KAZN: variants seen among roughly 807,000 people sequenced by gnomAD.
KAZN encodes kazrin.
In KAZN, 40 loss-of-function variants were observed where a neutral mutation model predicts 87.4. The ratio of observed to expected loss-of-function variants is 0.46; its 90% CI spans 0.36 to 0.60. The LOEUF is 0.60. Ranked by LOEUF, KAZN falls within the 20% of genes least tolerant of loss-of-function variation. The probability of loss-of-function intolerance (pLI) is 0.00; values close to 1 mark genes in which losing one functional copy is unlikely to be tolerated. For synonymous variants in KAZN, 466 were observed against 458.3 expected, an observed-to-expected ratio of 1.02 and a Z score of -0.22; for missense variants, 898 against 1,073.9, an observed-to-expected ratio of 0.84 and a Z score of 2.29.
intron 8 of KAZN, among the ~76,000 whole-genome samples, chr1:15,069,213 A>C (rs1639398526): frequency 6.6e-6 from 1 of 152,144 alleles, no homozygotes; most frequent in African/African-American, 2.4e-5. Context: ...AATCAATTGA[A>C]GAGCCCTTCC....
At chr1:14,759,777 T>C (rs1264855495) in intron 1 of KAZN, among the ~76,000 whole-genome samples, 1 of 152,090 alleles carries the variant, frequency 6.6e-6, no homozygotes, top group African/African-American at 2.4e-5. Context: ...GAGCCTCAGT[T>C]TCCTTATCTG....
rs543658531 is a variant in KAZN, at chr1:14,407,121, T to G, written c.250-191862T>G. ...CACTCAACATTACACTAGCAACATT[T>G]GTATTCAGATATTACTGAGAATATT... On this transcript the variant is annotated intron_variant, in intron 2 of 16. Transcript: ENST00000636203. 3.3e-5 allele frequency among the ~76,000 whole-genome samples: 5 copies of G among 152,332 alleles called. No homozygotes were observed. In the East Asian group the frequency reaches 9.6e-4, roughly 29 times the overall value.
At chr1:14,617,386 A>T (rs919499741) in intron 1 of KAZN, among the ~76,000 whole-genome samples, 4 of 152,156 alleles carry the variant, frequency 2.6e-5, no homozygotes, top group African/African-American at 9.7e-5. Flanking sequence ...AAAATGCTTT[A>T]TTGCTAAAAA....
At chr1:14,096,457 A>G (rs1167680027) in intron 1 of KAZN, among the ~76,000 whole-genome samples, 1 of 152,200 alleles carries the variant, frequency 6.6e-6, no homozygotes, top group African/African-American at 2.4e-5. Flanking sequence ...CCTGCCTTCC[A>G]TGGCTCACCA....
intron 1 of KAZN, among the ~76,000 whole-genome samples, chr1:14,177,798 T>TGG (rs1557539663): frequency 1.4e-5 from 2 of 138,790 alleles, no homozygotes; most frequent in African/African-American, 2.9e-5. Flanking sequence ...GTGTGTGTTT[T>TGG]TTTTTTTTTT....
intron 1 of KAZN, among the ~76,000 whole-genome samples, chr1:14,178,030 TG>T (rs541915523): frequency 1.3e-5 from 2 of 152,242 alleles, no homozygotes; most frequent in South Asian, 4.1e-4. Flanking sequence ...AATTTAATCA[TG>T]GGGGCGGTTA....
intron 2 of KAZN, among the ~76,000 whole-genome samples, chr1:14,333,617 C>T (rs1657003519): frequency 6.6e-6 from 1 of 152,122 alleles, no homozygotes; most frequent in Non-Finnish European, 1.5e-5. Flanking sequence ...AGAGAGAAAC[C>T]AAAATCAATG....
chr1:14,571,496 C>T (rs1299834057), intron 2 of KAZN, among the ~76,000 whole-genome samples: 1 of 152,144 alleles, frequency 6.6e-6, no homozygotes, highest in East Asian at 1.9e-4. Flanking sequence ...GGGGGTTAAT[C>T]TCTCTTGGCA....
chr1:14,687,350 G>C (rs933819914), intron 1 of KAZN, among the ~76,000 whole-genome samples: 22 of 152,308 alleles, frequency 1.4e-4, no homozygotes, highest in African/African-American at 5.1e-4. Context: ...AACAAGCATT[G>C]GTCAGTGCAA....
chr1:14,040,085 G>GTA (rs1193209621), intron 1 of KAZN, among the ~76,000 whole-genome samples: 1 of 144,208 alleles, frequency 6.9e-6, no homozygotes, highest in Non-Finnish European at 1.6e-5. Flanking sequence ...GTGCACGTGT[G>GTA]TGTGTGAGAG....
At chr1:15,091,278 A>C (rs921093567) in intron 8 of KAZN, among the ~76,000 whole-genome samples, 1 of 152,186 alleles carries the variant, frequency 6.6e-6, no homozygotes, top group Admixed American at 6.5e-5. Flanking sequence ...ATAATTATAC[A>C]CTTTACATCT....
At chr1:14,275,562 G>T (rs74464158) in intron 2 of KAZN, among the ~76,000 whole-genome samples, 1 of 148,398 alleles carries the variant, frequency 6.7e-6, no homozygotes, top group Non-Finnish European at 1.5e-5. Flanking sequence ...GTATTCTTTC[G>T]TTACTTGATA....
intron 1 of KAZN, among the ~76,000 whole-genome samples, chr1:14,169,528 G>A (rs886723361): frequency 2.0e-5 from 3 of 152,190 alleles, no homozygotes; most frequent in African/African-American, 4.8e-5. Context: ...GTCCTAGGTT[G>A]AGCACACACA....
Position 14,599,259 on chromosome 1 carries a change from G to T in KAZN, c.226+36G>T, listed in dbSNP as rs200498238. 748 of 1,333,880 alleles carry T rather than the reference G, an allele frequency of 5.6e-4. No homozygotes were observed. Among genetic ancestry groups the T allele is most frequent in the Non-Finnish European group, 6.8e-4 (710 of 1,046,968 alleles). The allele number at this position is 1,333,880 out of a possible 1,614,324, so 82.6% of individuals were successfully genotyped here. A position where few individuals can be genotyped will look rare whatever the true frequency, so the allele number is the denominator to read the frequency against. On this transcript the variant is annotated intron_variant, in intron 1 of 14. Coordinates refer to ENST00000376030, the MANE Select transcript of KAZN (RefSeq NM_201628.3). This position sits in a 1 kb window ranked among gnomAD's most constrained non-coding sequence, Gnocchi z 4.4. ...CCCGGCGCCCAGGGCGGAGGAAGGC[G>T]AGCAGAGCACGCCCGGCCTCGGAGG...
At chr1:14,779,836 C>T (rs1056799789) in intron 1 of KAZN, among the ~76,000 whole-genome samples, 8 of 152,184 alleles carry the variant, frequency 5.3e-5, no homozygotes, top group South Asian at 2.1e-4. Context: ...TGAAGTGACA[C>T]GTAAACAAGA....
At chr1:14,909,820 G>A (rs981427078) in intron 1 of KAZN, among the ~76,000 whole-genome samples, 3 of 152,136 alleles carry the variant, frequency 2.0e-5, no homozygotes, top group East Asian at 3.9e-4. Flanking sequence ...TGAGGCAGGC[G>A]GATCACCTGA....
chr1:13,937,999 T>C (rs1419796472), intron 1 of KAZN, among the ~76,000 whole-genome samples: 2 of 152,244 alleles, frequency 1.3e-5, no homozygotes, highest in Non-Finnish European at 2.9e-5. Flanking sequence ...AGGAGTATTT[T>C]GGCTATTCAG....
chr1:13,923,568 A>T (rs572727064), intron 1 of KAZN, among the ~76,000 whole-genome samples: 6 of 121,402 alleles, frequency 4.9e-5, no homozygotes, highest in African/African-American at 1.7e-4. Context: ...GCGAGACTCC[A>T]TCTCAAAAAA....
At chr1:13,999,432 T>C (rs2101137234) in intron 1 of KAZN, among the ~76,000 whole-genome samples, 1 of 152,236 alleles carries the variant, frequency 6.6e-6, no homozygotes, top group South Asian at 2.1e-4. Flanking sequence ...TCATGGAAAT[T>C]GAACAACTTG....
Sources: gnomAD v4.1 joint callset for allele counts (sites outside exome capture counted in the v4.1 genomes callset) on GRCh38, gnomAD v4.1.1 for gene constraint, Gnocchi (gnomAD v3.1) non-coding constraint, MANE v1.5 for transcripts, NCBI Gene and HGNC (gene_info 2026-07-23, HGNC 2026-07-21) for gene names.